SCAPER: variants seen among roughly 807,000 people sequenced by gnomAD.
The protein encoded by SCAPER is S phase cyclin A-associated protein in the endoplasmic reticulum.
A neutral mutation model predicts 182.2 loss-of-function variants in SCAPER; 98 were observed. The observed-to-expected ratio is 0.54, with a 90% confidence interval of 0.46 to 0.64. The LOEUF (loss-of-function observed/expected upper bound fraction) is 0.64, where lower values mean the gene tolerates loss of function less well. Ranked by LOEUF, SCAPER falls within the 30% of genes least tolerant of loss-of-function variation. The probability of loss-of-function intolerance (pLI) is 0.00; values close to 1 mark genes in which losing one functional copy is unlikely to be tolerated. For missense variants in SCAPER, 1,432 were observed against 1,690.0 expected (o/e 0.85, Z 2.68); for synonymous variants, 605 against 564.6 (o/e 1.07, Z -1.01).
At chr15:76,463,161 A>G (rs1311327643) in intron 25 of SCAPER, among the ~76,000 whole-genome samples, 1 of 152,168 alleles carries the variant, frequency 6.6e-6, no homozygotes, top group African/African-American at 2.4e-5. Context: ...TATGCTGAGC[A>G]AGTACCGTAC....
chr15:76,891,224 G>C (rs1016082693), intron 1 of SCAPER, among the ~76,000 whole-genome samples: 4 of 152,052 alleles, frequency 2.6e-5, no homozygotes, highest in African/African-American at 9.7e-5. Context: ...TACCGAATGG[G>C]CAAAAACTGG....
At chr15:76,368,820 ATCAG>A (rs1348214476) in intron 29 of SCAPER, among the ~76,000 whole-genome samples, 4 of 152,210 alleles carry the variant, frequency 2.6e-5, no homozygotes, top group African/African-American at 9.7e-5. Context: ...CAGTCAAATC[ATCAG>A]TCATTTGAGT....
chr15:76,433,629 T>G (rs2047007083), intron 26 of SCAPER, among the ~76,000 whole-genome samples: 1 of 152,224 alleles, frequency 6.6e-6, no homozygotes, highest in Non-Finnish European at 1.5e-5. Flanking sequence ...CCCTATATGT[T>G]GAATTTCCTA....
intron 15 of SCAPER, among the ~76,000 whole-genome samples, chr15:76,743,146 C>A (rs1222749330): frequency 6.6e-6 from 1 of 151,856 alleles, no homozygotes; most frequent in Non-Finnish European, 1.5e-5. Context: ...GAGTCAGAAC[C>A]GAAGTCCAAG....
intron 26 of SCAPER, among the ~76,000 whole-genome samples, chr15:76,420,607 T>C (rs2045961260): frequency 6.6e-6 from 1 of 152,168 alleles, no homozygotes. Flanking sequence ...ATCTCTACGT[T>C]GTTAACTATA....
intron 2 of SCAPER, among the ~76,000 whole-genome samples, chr15:76,865,550 T>A (rs185323726): frequency 9.9e-5 from 15 of 152,222 alleles, no homozygotes; most frequent in Admixed American, 1.3e-4. Flanking sequence ...AATGGATTTT[T>A]AAGATGAGTG....
At position 76,354,101 on chromosome 15, in the gene SCAPER, T is replaced by C; in HGVS notation, c.3895A>G (p.Lys1299Glu). The C allele has an allele frequency of 6.2e-7, 1 of 1,610,218 alleles. No homozygotes were observed. Residue 1299 changes from lysine to glutamate, a missense_variant, in exon 30 of 32, where the codon AAG (lysine) becomes GAG (glutamate). Physicochemically the swap from Lys to Glu is moderately conservative, Grantham distance 56. Transcript: ENST00000563290. The surrounding 1 kb of genome is among the most constrained non-coding windows in gnomAD (Gnocchi z 4.4). Reference sequence around the variant, plus strand: ...TACTGGAAGGGCAACTGGCAGAGCTTCTGCAGCACTGTGGGGTGGCGGCCG... The same window carrying C: ...TACTGGAAGGGCAACTGGCAGAGCTCCTGCAGCACTGTGGGGTGGCGGCCG... ...QSGRHPTVLQ[K>E]LCQLPFQYFS...
chr15:76,816,385 A>T (rs1285543605), intron 5 of SCAPER, among the ~76,000 whole-genome samples: 1 of 152,122 alleles, frequency 6.6e-6, no homozygotes, highest in Non-Finnish European at 1.5e-5. Context: ...AACTTTTGTT[A>T]AAAATGAAGA....
rs530026559 is a variant in SCAPER, at chr15:76,605,259, T to A, written c.2711+16505A>T. ...GGTTGTTGAATTTTGTCAAAGGCCT[T>A]TTCTGCATCTATTGAGATAATCATG... is the stretch of plus-strand genomic sequence containing the variant. On this transcript the variant is annotated intron_variant, in intron 22 of 31. Transcript: ENST00000563290. Among the ~76,000 whole-genome samples, 167 of 152,328 alleles carry A rather than the reference T, an allele frequency of 1.1e-3. 2 individuals are homozygous for A. Among genetic ancestry groups the A allele is most frequent in the African/African-American group, 3.8e-3 (158 of 41,568 alleles).
chr15:76,870,430 C>G (rs946876609), intron 2 of SCAPER, among the ~76,000 whole-genome samples: 7 of 148,554 alleles, frequency 4.7e-5, no homozygotes, highest in African/African-American at 1.7e-4. Flanking sequence ...GACTAAAAAC[C>G]AAGAAAAAAT....
intron 6 of SCAPER, among the ~76,000 whole-genome samples, chr15:76,802,977 T>C (rs576339064): frequency 2.6e-5 from 4 of 152,196 alleles, no homozygotes; most frequent in Non-Finnish European, 5.9e-5. Flanking sequence ...CTACTGTTAC[T>C]ACCTTAATCT....
At chr15:76,446,997 C>G (rs2048046135) in intron 25 of SCAPER, among the ~76,000 whole-genome samples, 1 of 152,192 alleles carries the variant, frequency 6.6e-6, no homozygotes, top group South Asian at 2.1e-4. Context: ...TTCTGCCCAA[C>G]TATAAGCTAA....
intron 24 of SCAPER, among the ~76,000 whole-genome samples, chr15:76,503,908 C>G (rs2041356210): frequency 6.6e-6 from 1 of 150,630 alleles, no homozygotes; most frequent in Non-Finnish European, 1.5e-5. Flanking sequence ...CTTTTTGAGA[C>G]AGGGTCTTGC....
At chr15:76,783,804 T>C (rs556359579) in intron 8 of SCAPER, among the ~76,000 whole-genome samples, 1 of 152,296 alleles carries the variant, frequency 6.6e-6, no homozygotes, top group Non-Finnish European at 1.5e-5. Flanking sequence ...TCTCAATAGA[T>C]ACAGAAAAGG....
intron 24 of SCAPER, among the ~76,000 whole-genome samples, chr15:76,480,953 G>A (rs767649558): frequency 1.4e-4 from 21 of 152,154 alleles, no homozygotes; most frequent in South Asian, 6.2e-4. Context: ...GGATGGTCTC[G>A]ATCTCCTGAC....
chr15:76,845,870 A>C (rs1384741747), intron 4 of SCAPER, among the ~76,000 whole-genome samples: 1 of 152,062 alleles, frequency 6.6e-6, no homozygotes, highest in East Asian at 1.9e-4. Context: ...AACCACAAAA[A>C]ACCTGGAATA....
At chr15:76,827,784 T>C (rs964883819) in intron 5 of SCAPER, among the ~76,000 whole-genome samples, 3 of 152,126 alleles carry the variant, frequency 2.0e-5, no homozygotes, top group Non-Finnish European at 4.4e-5. Context: ...GAAGAAATAG[T>C]TGAAAAATCA....
intron 21 of SCAPER, among the ~76,000 whole-genome samples, chr15:76,642,385 T>C (rs1455143532): frequency 6.6e-6 from 1 of 152,222 alleles, no homozygotes; most frequent in Admixed American, 6.5e-5. Flanking sequence ...GATTACTCAG[T>C]AGTTTAAAAC....
intron 5 of SCAPER, among the ~76,000 whole-genome samples, chr15:76,829,416 A>G (rs1029524054): frequency 1.3e-5 from 2 of 152,146 alleles, no homozygotes; most frequent in East Asian, 1.9e-4. Context: ...AAAAATATAA[A>G]TGTAAACCTA....
Sources: allele counts gnomAD v4.1 joint callset (sites outside exome capture counted in the v4.1 genomes callset), GRCh38; gene constraint gnomAD v4.1.1; non-coding constraint Gnocchi (gnomAD v3.1); transcripts MANE v1.5; gene names NCBI Gene and HGNC (gene_info 2026-07-23, HGNC 2026-07-21).